CDYL: variants seen among roughly 807,000 people sequenced by gnomAD.
CDYL encodes the protein chromodomain Y like.
In CDYL, 8 loss-of-function variants were observed where a neutral mutation model predicts 47.3. That is an observed-to-expected ratio of 0.17 (90% CI 0.10 to 0.31). The LOEUF is 0.31. CDYL is among the 10% of genes least tolerant of loss of function. The pLI, the probability that CDYL is intolerant of heterozygous loss-of-function variation, is 1.00. For missense variants in CDYL, 471 were observed against 701.4 expected, an observed-to-expected ratio of 0.67 and a Z score of 3.71; for synonymous variants, 266 against 265.0, an observed-to-expected ratio of 1.00 and a Z score of -0.04.
In CDYL at chr6:4,935,614, A is replaced by G; in HGVS notation, c.791A>G (p.Asp264Gly). 1 of 1,614,248 alleles carries G rather than the reference A, an allele frequency of 6.2e-7. No individual in the cohort carries two copies. The highest frequency in any genetic ancestry group is 8.5e-7 in the Non-Finnish European group (1 of 1,180,048). Residue 264 changes from aspartate to glycine, a missense_variant, in exon 3 of 7, where the codon GAC becomes GGC. Asp to Gly is a moderately conservative substitution (Grantham distance 94). Transcript: ENST00000397588. ...VTASKRKFID[D>G]RRDQPFDKRL... ...GCCAGCAAAAGGAAATTTATTGACG[A>G]CAGAAGAGACCAGCCTTTTGACAAG... is the stretch of plus-strand genomic sequence containing the variant.
intron 1 of CDYL, among the ~76,000 whole-genome samples, chr6:4,805,684 G>A (rs1041486159): frequency 2.0e-5 from 3 of 152,268 alleles, no homozygotes; most frequent in South Asian, 2.1e-4. Flanking sequence ...GGGCAGTGAC[G>A]TGTGAGGGCA....
chr6:4,709,951 T>A (rs187396931), intron 1 of CDYL, among the ~76,000 whole-genome samples: 3 of 152,296 alleles, frequency 2.0e-5, no homozygotes, highest in Admixed American at 1.3e-4. Flanking sequence ...CCAGGCACGG[T>A]GGCTCATGCC....
At chr6:4,893,909 A>G (rs1762123921) in intron 2 of CDYL, among the ~76,000 whole-genome samples, 1 of 152,202 alleles carries the variant, frequency 6.6e-6, no homozygotes, top group South Asian at 2.1e-4. Context: ...GTAGCAAAAA[A>G]GTGGAATATG....
chr6:4,890,611 C>T (rs1762015644), intron 1 of CDYL, among the ~76,000 whole-genome samples: 1 of 152,134 alleles, frequency 6.6e-6, no homozygotes, highest in South Asian at 2.1e-4. Context: ...GGGGTATTCT[C>T]CCGTTCTCTA....
At chr6:4,763,951 A>C (rs9502234) in intron 3 of CDYL, among the ~76,000 whole-genome samples, 6 of 152,132 alleles carry the variant, frequency 3.9e-5, no homozygotes, top group Non-Finnish European at 7.4e-5. Flanking sequence ...CCCCAACCCC[A>C]AAAAAGAAAA....
At chr6:4,862,879 C>T (rs550091417) in intron 1 of CDYL, among the ~76,000 whole-genome samples, 2 of 152,286 alleles carry the variant, frequency 1.3e-5, no homozygotes, top group South Asian at 4.1e-4. Flanking sequence ...AGAAATCGTT[C>T]TGTCAAAAAG....
At chr6:4,733,658 C>T (rs1434333175) in intron 2 of CDYL, among the ~76,000 whole-genome samples, 3 of 152,044 alleles carry the variant, frequency 2.0e-5, no homozygotes, top group Admixed American at 6.6e-5. Context: ...ATTAAGACTC[C>T]ATCTCAGGTA....
intron 3 of CDYL, among the ~76,000 whole-genome samples, chr6:4,743,150 A>G (rs1323958764): frequency 6.6e-6 from 1 of 152,182 alleles, no homozygotes; most frequent in Non-Finnish European, 1.5e-5. Flanking sequence ...AGAAGAAAGA[A>G]GTTGGGTGAG....
intron 3 of CDYL, among the ~76,000 whole-genome samples, chr6:4,759,049 A>G (rs1319514054): frequency 2.0e-5 from 3 of 149,724 alleles, no homozygotes; most frequent in Non-Finnish European, 4.4e-5. Flanking sequence ...CTCACTGCAA[A>G]CTCTGCCTCC....
At position 4,834,308 on chromosome 6, in the gene CDYL, T is replaced by G. The variant is rs796749328; in HGVS notation, c.25-57405T>G. On this transcript the variant is annotated intron_variant, in intron 1 of 6. Transcript: ENST00000397588. ...TCTCAGCATTTGCTTGTCTGTAAAG[T>G]ATTTTATTTCTCCTTCACTTATGAA... 4.8e-3 allele frequency among the ~76,000 whole-genome samples: 718 copies of G among 150,374 alleles called. 20 individuals are homozygous for G. The East Asian group carries it at 0.077, about 16-fold the overall frequency.
chr6:4,706,500 AACT>A (rs1757049683), intron 1 of CDYL, among the ~76,000 whole-genome samples: 1 of 152,026 alleles, frequency 6.6e-6, no homozygotes, highest in South Asian at 2.1e-4. Context: ...AGAGTTTTAA[AACT>A]ACAATTAGGC....
At chr6:4,828,597 G>T (rs879410488) in intron 1 of CDYL, among the ~76,000 whole-genome samples, 1 of 151,272 alleles carries the variant, frequency 6.6e-6, no homozygotes, top group African/African-American at 2.4e-5. Context: ...GTCTCAGTGT[G>T]GATCTTTTTG....
rs2127532275 is a variant in CDYL at position 4,955,294 on chromosome 6, A to G, written c.*1238A>G. On this transcript the variant is annotated 3_prime_UTR_variant, in exon 7 of 7. Coordinates refer to ENST00000397588, the MANE Select transcript of CDYL (RefSeq NM_004824.4). Reference sequence around the variant, plus strand: ...TATTGAATGTATGAAGAGCGAAATCAAATTCTTATTTTTGTACAGTTTTGA... The same window carrying G: ...TATTGAATGTATGAAGAGCGAAATCGAATTCTTATTTTTGTACAGTTTTGA... 6.5e-6 allele frequency: 1 copy of G among 152,742 alleles called. No homozygotes were observed. Among genetic ancestry groups the G allele is most frequent in the Non-Finnish European group, 1.5e-5 (1 of 68,036 alleles). 9.5% of individuals were successfully genotyped at this position (152,742 alleles called of 1,614,324 possible).
intron 3 of CDYL, among the ~76,000 whole-genome samples, chr6:4,765,395 CAT>C (rs149320075): frequency 0.043 from 6,474 of 151,770 alleles, 189 homozygotes; most frequent in South Asian, 0.066. Flanking sequence ...TTTCTAATAA[CAT>C]GTGGCTCAAA....
chr6:4,894,885 G>T (rs28567584), intron 2 of CDYL, among the ~76,000 whole-genome samples: 2 of 148,904 alleles, frequency 1.3e-5, no homozygotes, highest in South Asian at 4.2e-4. Context: ...ATGTGTATGT[G>T]TGTGTATATA....
intron 1 of CDYL, among the ~76,000 whole-genome samples, chr6:4,880,699 T>C (rs1247490929): frequency 6.6e-6 from 1 of 152,260 alleles, no homozygotes; most frequent in African/African-American, 2.4e-5. Context: ...CAGCATTTGC[T>C]GTCATGTTCT....
At chr6:4,912,110 TA>T (rs1757431132) in intron 2 of CDYL, among the ~76,000 whole-genome samples, 1 of 152,238 alleles carries the variant, frequency 6.6e-6, no homozygotes, top group Admixed American at 6.5e-5. Context: ...TAAACAGCGC[TA>T]AACAGTCAAA....
At position 4,935,647 on chromosome 6, in the gene CDYL, G is replaced by A; in HGVS notation, c.824G>A (p.Arg275His). The A allele has an allele frequency of 6.2e-7, 1 of 1,614,218 alleles. No individual in the cohort carries two copies. The highest frequency in any genetic ancestry group is 8.5e-7 in the Non-Finnish European group (1 of 1,180,042). ...RRDQPFDKRL[R>H]FSVRQTESAY... ...GACCAGCCTTTTGACAAGCGATTGC[G>A]TTTCAGCGTGAGGCAAACAGAAAGT... is the stretch of plus-strand genomic sequence containing the variant. Residue 275 changes from arginine to histidine, a missense_variant, in exon 3 of 7, where the codon CGT (arginine) becomes CAT (histidine). Coordinates refer to ENST00000397588, the MANE Select transcript of CDYL (RefSeq NM_004824.4).
intron 2 of CDYL, among the ~76,000 whole-genome samples, chr6:4,915,886 G>GCTTC (rs1757542655): frequency 6.6e-6 from 1 of 152,116 alleles, no homozygotes; most frequent in Non-Finnish European, 1.5e-5. Flanking sequence ...AAGAAGCTTG[G>GCTTC]CTTCCACACC....
Sources: gnomAD v4.1 joint callset for allele counts (sites outside exome capture counted in the v4.1 genomes callset) on GRCh38, gnomAD v4.1.1 for gene constraint, MANE v1.5 for transcripts, NCBI Gene and HGNC (gene_info 2026-07-23, HGNC 2026-07-21) for gene names.